Variants in TRPM2 observed in about 807,000 individuals in gnomAD.
TRPM2 encodes the protein estrogen-responsive element-associated gene 1 protein.
Under a neutral mutation model 174.0 loss-of-function variants are expected in TRPM2, and 161 were observed. The ratio of observed to expected loss-of-function variants is 0.93; its 90% CI spans 0.81 to 1.05. TRPM2 has a LOEUF of 1.05. Among genes scored for constraint, TRPM2 ranks in the 50% least tolerant of loss-of-function variants. The pLI, the probability that TRPM2 is intolerant of heterozygous loss-of-function variation, is 0.00. For missense variants in TRPM2, 2,057 were observed against 2,038.0 expected (o/e 1.01, Z -0.18); for synonymous variants, 954 against 861.3 (o/e 1.11, Z -1.88).
At chr21:44,420,575 C>T (rs758462160) in intron 22 of TRPM2, among the ~76,000 whole-genome samples, 5 of 152,198 alleles carry the variant, frequency 3.3e-5, no homozygotes, top group Non-Finnish European at 5.9e-5. Context: ...GGCCTGGGGC[C>T]ATGCAGTGCC....
At chr21:44,437,773 A>C (rs1237138110) in intron 29 of TRPM2, among the ~76,000 whole-genome samples, 2 of 152,184 alleles carry the variant, frequency 1.3e-5, no homozygotes, top group Non-Finnish European at 2.9e-5. Flanking sequence ...AGTGCCTCCA[A>C]CAGCTCCTGT....
chr21:44,365,932 T>G (rs1367435810), intron 3 of TRPM2, among the ~76,000 whole-genome samples: 2 of 152,230 alleles, frequency 1.3e-5, no homozygotes, highest in African/African-American at 2.4e-5. Context: ...GTGGGTTAAC[T>G]GGACCTTCTT....
rs531223077 is a variant in TRPM2, at chr21:44,425,573, T to C, written c.3638-97T>C. On this transcript the variant is annotated intron_variant, in intron 24 of 31. Transcript: ENST00000397928. ...GCTCGGGGAGGTGGAGGAGCCCAGA[T>C]GTTTTGGCGGAAGGACCACAGAGGA... 7.5e-4 allele frequency: 1,014 copies of C among 1,352,236 alleles called. 2 individuals carry two copies. The highest frequency in any genetic ancestry group is 2.5e-3 in the Middle Eastern group (9 of 3,618). The allele number at this position is 1,352,236 out of a possible 1,614,324, so 83.8% of individuals were successfully genotyped here.
upstream of TRPM2, among the ~76,000 whole-genome samples, chr21:44,350,713 G>T (rs2047915800): frequency 6.6e-6 from 1 of 150,454 alleles, no homozygotes; most frequent in Non-Finnish European, 1.5e-5. Context: ...TGGTGCAGGG[G>T]CACCGGTGGG....
Position 44,401,694 on chromosome 21 carries a change from C to T in TRPM2, c.2335C>T (p.Gln779Ter). 6.2e-7 allele frequency: 1 copy of T among 1,612,886 alleles called. No homozygotes were observed. Among genetic ancestry groups the T allele is most frequent in the Non-Finnish European group, 8.5e-7 (1 of 1,179,876 alleles). Residue 779 changes from glutamine to a stop codon, truncating the protein, a stop_gained, in exon 16 of 32, where the codon CAG becomes TAG. Transcript: ENST00000397928. LOFTEE classifies it high-confidence loss of function. Reference sequence around the variant, plus strand: ...TGACGGCCGCAGGGAGAAGAGGCTGCAGGATGTGGGCACCCCCGCGGCCCG... The same window carrying T: ...TGACGGCCGCAGGGAGAAGAGGCTGTAGGATGTGGGCACCCCCGCGGCCCG... ...GLISFREKRL[Q>*]DVGTPAARAR... is the part of the protein sequence containing the mutation.
Position 44,378,513 on chromosome 21 carries a change from G to A in TRPM2, c.1015-484G>A, listed in dbSNP as rs1453623992. ...GAGTACCCTTCACGGCTCTTCTGCT[G>A]GGGCGGCTGCACCCGCCTCCTTACC... On this transcript the variant is annotated intron_variant, in intron 7 of 31. Transcript: ENST00000397928. Among the ~76,000 whole-genome samples, 3 of 152,236 alleles carry A rather than the reference G, an allele frequency of 2.0e-5. No homozygotes were observed. In the East Asian group the frequency reaches 5.8e-4, roughly 29 times the overall value.
Position 44,366,867 on chromosome 21 carries a change from C to T in TRPM2, c.537C>T (p.Asn179=). Residue 179 remains asparagine (N), a synonymous_variant, in exon 4 of 32, where the codon AAC becomes AAT. Coordinates refer to ENST00000397928, the MANE Select transcript of TRPM2 (RefSeq NM_003307.4). This position sits in a 1 kb window ranked among gnomAD's most constrained non-coding sequence, Gnocchi z 6.0. ...TCTCGGTGACCGGGGGGGCCAAGAA[C>T]TTCAACATGAAGCCGCGGCTGAAGA... ...LLISVTGGAK[N]FNMKPRLKSI... 2 of 1,613,488 alleles carry T rather than the reference C, an allele frequency of 1.2e-6. No individual in the cohort carries two copies. The highest frequency in any genetic ancestry group is 1.7e-6 in the Non-Finnish European group (2 of 1,179,652).
At chr21:44,441,046 G>A (rs117270878) in intron 31 of TRPM2, 141 bp downstream of exon 31, 14,449 of 721,546 alleles carry the variant, frequency 0.02, 229 homozygotes, top group Non-Finnish European at 0.026. Flanking sequence ...CCGGGGAGAG[G>A]GAAGGCGGGG....
chr21:44,395,033 C>G (rs1278651406), intron 11 of TRPM2, among the ~76,000 whole-genome samples: 1 of 152,164 alleles, frequency 6.6e-6, no homozygotes, highest in Non-Finnish European at 1.5e-5. Flanking sequence ...GCAGGAGAGT[C>G]CCTCAGGGAG....
intron 3 of TRPM2, among the ~76,000 whole-genome samples, chr21:44,365,114 T>C (rs2048323204): frequency 6.7e-6 from 1 of 149,726 alleles, no homozygotes; most frequent in Non-Finnish European, 1.5e-5. Flanking sequence ...ACTTGTGTGT[T>C]GACCAGCCTT....
chr21:44,386,537 AG>A (rs1295323579), intron 9 of TRPM2, among the ~76,000 whole-genome samples: 2 of 152,188 alleles, frequency 1.3e-5, no homozygotes, highest in Non-Finnish European at 2.9e-5. Context: ...AATTAAACCA[AG>A]GGGGTGAAAG....
chr21:44,394,565 C>T (rs1046607344), intron 11 of TRPM2, among the ~76,000 whole-genome samples: 5 of 151,602 alleles, frequency 3.3e-5, no homozygotes, highest in South Asian at 2.1e-4. Context: ...GTGATACTCC[C>T]GCCTTGGCCT....
At chr21:44,395,349 A>G (rs1164668597) in intron 11 of TRPM2, 65 bp from the exon 12 acceptor site, 2 of 1,576,520 alleles carry the variant, frequency 1.3e-6, no homozygotes, top group Non-Finnish European at 1.7e-6. Flanking sequence ...CACCTCTGAC[A>G]GGCTCCGCCA....
Position 44,422,491 on chromosome 21 carries a change from C to G in TRPM2, c.3462-1154C>G. The G allele has an allele frequency of 2.0e-6, 3 of 1,497,288 alleles. No homozygotes were observed. The South Asian group carries it at 3.8e-5, about 19-fold the overall frequency. 92.8% of individuals were successfully genotyped at this position (1,497,288 alleles called of 1,614,324 possible). A position where few individuals can be genotyped will look rare whatever the true frequency, so the allele number is the denominator to read the frequency against. On this transcript the variant is annotated intron_variant, in intron 22 of 31. Coordinates refer to ENST00000397928, the MANE Select transcript of TRPM2 (RefSeq NM_003307.4). Reference sequence around the variant, plus strand: ...TGAAAGGAGATGCCCAGGCCTGGAGCGAAATCACTTTCTTCCCTCTCCCTA... The same window carrying G: ...TGAAAGGAGATGCCCAGGCCTGGAGGGAAATCACTTTCTTCCCTCTCCCTA...
intron 13 of TRPM2, among the ~76,000 whole-genome samples, chr21:44,398,827 G>A (rs1176869283): frequency 3.9e-5 from 6 of 152,180 alleles, no homozygotes; most frequent in Non-Finnish European, 7.3e-5. Flanking sequence ...CTCTGGCTGC[G>A]TGACTCCTAA....
chr21:44,379,137 G>C lies in TRPM2; in HGVS notation c.1155G>C (p.Val385=). Residue 385 remains valine, a synonymous_variant, in exon 8 of 32, where the codon GTG becomes GTC. Coordinates refer to ENST00000397928, the MANE Select transcript of TRPM2 (RefSeq NM_003307.4). ...TISLIQQKLS[V]FFQEMFETFT... is the part of the protein sequence containing the mutation. ...CCCTGATCCAGCAGAAACTGAGCGT[G>C]TTCTTCCAGGAGATGTTTGAGACCT... 1.2e-6 allele frequency: 2 copies of C among 1,613,648 alleles called. No homozygotes were observed. Among genetic ancestry groups the C allele is most frequent in the Non-Finnish European group, 1.7e-6 (2 of 1,180,046 alleles).
intron 29 of TRPM2, 108 bp downstream of exon 29, chr21:44,437,275 C>T: frequency 2.8e-6 from 3 of 1,069,946 alleles, no homozygotes; most frequent in South Asian, 1.4e-5. Flanking sequence ...CAGCCCCCTG[C>T]AGCCCCTGGG....
At chr21:44,426,496 G>A (rs1189929844) in intron 25 of TRPM2, among the ~76,000 whole-genome samples, 164 bp from the exon 26 acceptor site, 1 of 152,138 alleles carries the variant, frequency 6.6e-6, no homozygotes, top group East Asian at 1.9e-4. Flanking sequence ...CCAGCCCCCA[G>A]CTCTGCCTGG....
rs2051360022 is a variant in TRPM2, at chr21:44,438,458, G to A, written c.4168-609G>A. ...TTGAGGGTGGGAGTGTCATGGGGCT[G>A]AGGTGGGACCGTCTTGACGTGGCCT... On this transcript the variant is annotated intron_variant, in intron 29 of 31. Coordinates refer to ENST00000397928, the MANE Select transcript of TRPM2 (RefSeq NM_003307.4). This position sits in a 1 kb window ranked among gnomAD's most constrained non-coding sequence, Gnocchi z 5.9. Among the ~76,000 whole-genome samples the A allele has an allele frequency of 6.6e-6, 1 of 152,196 alleles. No individual in the cohort carries two copies. Among genetic ancestry groups the A allele is most frequent in the Non-Finnish European group, 1.5e-5 (1 of 68,032 alleles).
Sources: gnomAD v4.1 joint callset for allele counts (sites outside exome capture counted in the v4.1 genomes callset) on GRCh38, gnomAD v4.1.1 for gene constraint, Gnocchi (gnomAD v3.1) non-coding constraint, MANE v1.5 for transcripts, NCBI Gene and HGNC (gene_info 2026-07-23, HGNC 2026-07-21) for gene names.